Variants in RBPJ observed in about 807,000 individuals in gnomAD.
RBPJ encodes the protein recombination signal binding protein for immunoglobulin kappa J region.
Under a neutral mutation model 67.8 loss-of-function variants are expected in RBPJ, and 9 were observed. That is an observed-to-expected ratio of 0.13 (90% CI 0.08 to 0.23). The LOEUF (loss-of-function observed/expected upper bound fraction) is 0.23. Among genes scored for constraint, RBPJ ranks in the 10% least tolerant of loss-of-function variants. The probability of loss-of-function intolerance (pLI) is 1.00; values close to 1 mark genes in which losing one functional copy is unlikely to be tolerated. For missense variants in RBPJ, 305 were observed against 595.6 expected, an observed-to-expected ratio of 0.51 and a Z score of 5.08; for synonymous variants, 198 against 203.3, an observed-to-expected ratio of 0.97 and a Z score of 0.22.
At chr4:26,396,990 T>C (rs1258970569) in intron 2 of RBPJ, among the ~76,000 whole-genome samples, 1 of 152,178 alleles carries the variant, frequency 6.6e-6, no homozygotes, top group Non-Finnish European at 1.5e-5. Flanking sequence ...TCAAAACTGG[T>C]CCTCAGGCAA....
chr4:26,243,557 A>G, intron 1 of RBPJ, among the ~76,000 whole-genome samples: 1 of 152,246 alleles, frequency 6.6e-6, no homozygotes. Flanking sequence ...GATGATCTGC[A>G]TAATTTAGTA....
chr4:26,268,821 G>A (rs916779553), intron 1 of RBPJ, among the ~76,000 whole-genome samples: 1 of 152,176 alleles, frequency 6.6e-6, no homozygotes, highest in African/African-American at 2.4e-5. Flanking sequence ...CATTCACTGA[G>A]TGATGCCCTT....
chr4:26,286,266 C>A (rs1721463991), intron 1 of RBPJ, among the ~76,000 whole-genome samples: 1 of 151,730 alleles, frequency 6.6e-6, no homozygotes, highest in Non-Finnish European at 1.5e-5. Context: ...ATCGCTTGAG[C>A]CCAGGAGTTT....
At chr4:26,276,406 G>A (rs1721087524) in intron 1 of RBPJ, among the ~76,000 whole-genome samples, 1 of 152,088 alleles carries the variant, frequency 6.6e-6, no homozygotes, top group Admixed American at 6.5e-5. Flanking sequence ...TTCAGAAATT[G>A]TGGATGTTAG....
intron 4 of RBPJ, among the ~76,000 whole-genome samples, chr4:26,418,970 T>C (rs997195160): frequency 6.6e-6 from 1 of 152,104 alleles, no homozygotes; most frequent in Non-Finnish European, 1.5e-5. Context: ...TACTGTTGTT[T>C]TTTGTTTCTT....
At chr4:26,417,638 A>C (rs1734724100) in intron 4 of RBPJ, among the ~76,000 whole-genome samples, 1 of 152,208 alleles carries the variant, frequency 6.6e-6, no homozygotes, top group Admixed American at 6.5e-5. Context: ...CAGAAAAAAA[A>C]ACAATATAAT....
intron 1 of RBPJ, among the ~76,000 whole-genome samples, chr4:26,204,100 ATG>A (rs1388259795): frequency 2.6e-5 from 4 of 152,094 alleles, no homozygotes; most frequent in Non-Finnish European, 5.9e-5. Context: ...GCGTGCCACC[ATG>A]CCTGACTAAT....
chr4:26,232,724 G>C (rs144178489), intron 1 of RBPJ, among the ~76,000 whole-genome samples: 248 of 152,314 alleles, frequency 1.6e-3, no homozygotes, highest in Non-Finnish European at 3.0e-3. Flanking sequence ...AAAGATTTCA[G>C]AGTGGAGTTC....
chr4:26,362,631 A>G lies in RBPJ; in HGVS notation c.21-23722A>G, dbSNP rs1307393598. 3 of 1,613,612 alleles carry G rather than the reference A, an allele frequency of 1.9e-6. No individual in the cohort carries two copies. In the African/African-American group the frequency reaches 4.0e-5, roughly 22 times the overall value. ...AGTACCATGGCGTGGATTAAAAGGT[A>G]TGCTTTAGAAATCTCCCAGTGACCC... On this transcript the variant is annotated intron_variant, in intron 1 of 10. Coordinates refer to ENST00000355476, the MANE Select transcript of RBPJ (RefSeq NM_015874.6).
At chr4:26,215,406 G>GAGGGGGGA (rs1560214872) in intron 1 of RBPJ, among the ~76,000 whole-genome samples, 1 of 72,834 alleles carries the variant, frequency 1.4e-5, no homozygotes, top group African/African-American at 5.3e-5. Context: ...AGGAAGGGGG[G>GAGGGGGGA]GGAAGGAAGG....
At chr4:26,315,194 G>GTATATATATATATATA (rs1440332911), upstream of RBPJ, among the ~76,000 whole-genome samples, 1 of 85,138 alleles carries the variant, frequency 1.2e-5, no homozygotes, top group Non-Finnish European at 2.0e-5. Flanking sequence ...ATATATATAT[G>GTATATATATATATATA]TATGTATATA....
rs756831175 is a variant in RBPJ at position 26,430,371 on chromosome 4, T to TG, written c.1045-47dup. The TG allele has an allele frequency of 6.9e-7, 1 of 1,456,512 alleles. No homozygotes were observed. The highest frequency in any genetic ancestry group is 1.7e-5 in the Admixed American group (1 of 58,124). The allele number at this position is 1,456,512 out of a possible 1,614,324, so 90.2% of individuals were successfully genotyped here. ...TGAGAATCTAATTTGTGTACTTTAA[T>TG]GAAAAATGAAAAGTTTTCTCAGTGT... is the stretch of plus-strand genomic sequence containing the variant. On this transcript the variant is annotated intron_variant, in intron 9 of 10. Transcript: ENST00000355476. The surrounding 1 kb of genome is among the most constrained non-coding windows in gnomAD (Gnocchi z 4.1).
At chr4:26,214,582 A>AAAGG (rs1237991440) in intron 1 of RBPJ, among the ~76,000 whole-genome samples, 9 of 138,294 alleles carry the variant, frequency 6.5e-5, no homozygotes, top group Non-Finnish European at 1.2e-4. Flanking sequence ...AAAAAGAAAG[A>AAAGG]AAGGAAGGAA....
chr4:26,196,516 A>G (rs1717769556), intron 1 of RBPJ, among the ~76,000 whole-genome samples: 1 of 152,188 alleles, frequency 6.6e-6, no homozygotes, highest in South Asian at 2.1e-4. Flanking sequence ...CAAATGTTTT[A>G]TCTTGCCTGA....
In RBPJ at chr4:26,239,680, A is replaced by T. The variant is rs541868155; in HGVS notation, c.-167+76066A>T. The stretch of plus-strand genomic sequence containing the variant: ...CATCCTTTATAGTGCACTGGAGGGA[A>T]GGGAAGGAAAGTAACAGAGAAGAGA... On this transcript the variant is annotated intron_variant, in intron 1 of 4. Transcript: ENST00000512351. Among the ~76,000 whole-genome samples, 7 of 148,838 alleles carry T rather than the reference A, an allele frequency of 4.7e-5. No individual in the cohort carries two copies. In the South Asian group the frequency reaches 1.6e-3, roughly 33 times the overall value.
chr4:26,147,745 A>G, the RBPJ span, among the ~76,000 whole-genome samples: 1 of 152,218 alleles, frequency 6.6e-6, no homozygotes, highest in Non-Finnish European at 1.5e-5. Flanking sequence ...AAACTTTTTA[A>G]AAAGTACTGG....
chr4:26,374,344 TGAAA>T (rs1729488469), intron 1 of RBPJ, among the ~76,000 whole-genome samples: 1 of 152,186 alleles, frequency 6.6e-6, no homozygotes, highest in South Asian at 2.1e-4. Context: ...GGGAAGGTAA[TGAAA>T]GAAAGTTTCC....
chr4:26,389,428 A>T (rs542756083), intron 2 of RBPJ, among the ~76,000 whole-genome samples: 1 of 151,484 alleles, frequency 6.6e-6, no homozygotes, highest in East Asian at 1.9e-4. Context: ...TGAAGTGCTC[A>T]AGGGGGACCT....
At chr4:26,321,169 C>G (rs1051804646) in intron 1 of RBPJ, 121 bp downstream of exon 1, 1 of 422,856 alleles carries the variant, frequency 2.4e-6, no homozygotes, top group East Asian at 6.4e-5. Context: ...GCGGGGGCGG[C>G]GTCGCGTGCG....
Sources: gnomAD v4.1 joint callset for allele counts (sites outside exome capture counted in the v4.1 genomes callset) on GRCh38, gnomAD v4.1.1 for gene constraint, Gnocchi (gnomAD v3.1) non-coding constraint, MANE v1.5 for transcripts, NCBI Gene and HGNC (gene_info 2026-07-23, HGNC 2026-07-21) for gene names.